ANKS1B: variants seen among roughly 807,000 people sequenced by gnomAD.
ANKS1B encodes the protein ankyrin repeat and sterile alpha motif domain-containing protein 1B.
In ANKS1B, 36 loss-of-function variants were observed where a neutral mutation model predicts 148.3. That is an observed-to-expected ratio of 0.24 (90% CI 0.19 to 0.32). The LOEUF is 0.32. Among genes scored for constraint, ANKS1B ranks in the 10% least tolerant of loss-of-function variants. The pLI, the probability that ANKS1B is intolerant of heterozygous loss-of-function variation, is 1.00. For missense variants in ANKS1B, 1,157 were observed against 1,542.6 expected (o/e 0.75, Z 4.19); for synonymous variants, 542 against 560.8 (o/e 0.97, Z 0.47).
intron 9 of ANKS1B, among the ~76,000 whole-genome samples, chr12:99,598,761 A>G (rs1210453731): frequency 6.6e-6 from 1 of 152,140 alleles, no homozygotes; most frequent in Non-Finnish European, 1.5e-5. Flanking sequence ...GATAAAAAGA[A>G]GCATACACGG....
At chr12:99,499,143 A>T (rs2096632020) in intron 10 of ANKS1B, among the ~76,000 whole-genome samples, 2 of 152,218 alleles carry the variant, frequency 1.3e-5, no homozygotes, top group Admixed American at 6.5e-5. Flanking sequence ...CTGAGTGGAT[A>T]AGGTCTCATA....
chr12:99,654,988 G>C, intron 9 of ANKS1B, 79 bp downstream of exon 9: 8 of 1,418,974 alleles, frequency 5.6e-6, no homozygotes, highest in Non-Finnish European at 7.6e-6. Flanking sequence ...TTTGATTTTC[G>C]AAGGGGAGGG....
At chr12:98,743,330 A>T (rs915077146), downstream of ANKS1B, among the ~76,000 whole-genome samples, 32 of 151,936 alleles carry the variant, frequency 2.1e-4, no homozygotes, top group African/African-American at 7.3e-4. Flanking sequence ...GATAATTTTC[A>T]TAGGGTTCGT....
At chr12:99,665,423 T>C in intron 8 of ANKS1B, among the ~76,000 whole-genome samples, 1 of 152,198 alleles carries the variant, frequency 6.6e-6, no homozygotes, top group Admixed American at 6.5e-5. Flanking sequence ...CTCCTGTGCT[T>C]AGAGGCCATT....
rs967281728 is a variant in ANKS1B, at chr12:99,367,472, C to T, written c.1756+32159G>A. On this transcript the variant is annotated intron_variant, in intron 12 of 26. Coordinates refer to ENST00000683438, the MANE Select transcript of ANKS1B (RefSeq NM_001352186.2). ...AAAAGCTCTTTGAAAGAGAATTAATCGGTATTTTAAAAAATTATATTCAGA... is the reference window on the plus strand; with the variant it reads ...AAAAGCTCTTTGAAAGAGAATTAATTGGTATTTTAAAAAATTATATTCAGA... 4.6e-5 allele frequency among the ~76,000 whole-genome samples: 7 copies of T among 152,202 alleles called. No individual in the cohort carries two copies. The East Asian group carries it at 7.7e-4, about 17-fold the overall frequency.
chr12:99,772,872 G>A, intron 8 of ANKS1B, 50 bp downstream of exon 8: 1 of 1,552,826 alleles, frequency 6.4e-7, no homozygotes, highest in South Asian at 1.2e-5. Flanking sequence ...TGTACACACT[G>A]AACTGGCAAA....
intron 17 of ANKS1B, among the ~76,000 whole-genome samples, chr12:98,902,390 A>G (rs992778738): frequency 3.9e-5 from 6 of 152,372 alleles, no homozygotes; most frequent in South Asian, 4.1e-4. Flanking sequence ...AAGGTTAGCA[A>G]TGAAAGAAGA....
At chr12:99,519,145 G>A (rs756158509) in intron 9 of ANKS1B, among the ~76,000 whole-genome samples, 2 of 152,168 alleles carry the variant, frequency 1.3e-5, no homozygotes, top group Admixed American at 6.5e-5. Flanking sequence ...CTAACATATG[G>A]CCTATCCTTG....
At chr12:98,941,058 C>T (rs1183388026) in intron 17 of ANKS1B, among the ~76,000 whole-genome samples, 1 of 152,038 alleles carries the variant, frequency 6.6e-6, no homozygotes, top group Non-Finnish European at 1.5e-5. Context: ...AATGATTGCA[C>T]CTAGGGGAAA....
In ANKS1B at chr12:99,246,662, T is replaced by C. The variant is rs1485469753; in HGVS notation, c.1959A>G (p.Ile653Met). ...TTACCAAAGGTTCTGAGTTATTTTC[T>C]ATTGGAGACTGCTTGAAAGGCAAAG... ...NSPLPFKQSP[I>M]ENNSEPLVKK... The change falls in exon 13 of 27, where the codon ATA becomes ATG. Residue 653 changes from isoleucine to methionine, a missense_variant. Physicochemically the swap from Ile to Met is conservative, Grantham distance 10. Coordinates refer to ENST00000683438, the MANE Select transcript of ANKS1B (RefSeq NM_001352186.2). The C allele has an allele frequency of 3.1e-6, 5 of 1,613,746 alleles. No homozygotes were observed. Among genetic ancestry groups the C allele is most frequent in the Non-Finnish European group, 4.2e-6 (5 of 1,179,880 alleles).
chr12:99,493,771 G>A (rs2096576983), intron 10 of ANKS1B, among the ~76,000 whole-genome samples: 2 of 152,122 alleles, frequency 1.3e-5, no homozygotes, highest in Non-Finnish European at 2.9e-5. Flanking sequence ...AGGTTGAGGT[G>A]CCCTTGGAGA....
chr12:99,060,961 A>G (rs571850075), intron 16 of ANKS1B, among the ~76,000 whole-genome samples: 1 of 152,350 alleles, frequency 6.6e-6, no homozygotes, highest in African/African-American at 2.4e-5. Flanking sequence ...TGATATTGGC[A>G]TGGTATTTAG....
intron 5 of ANKS1B, among the ~76,000 whole-genome samples, chr12:99,780,502 T>C (rs1233926452): frequency 6.6e-6 from 1 of 152,042 alleles, no homozygotes; most frequent in Non-Finnish European, 1.5e-5. Context: ...AAGGATGGTC[T>C]CGATATCCTG....
chr12:99,105,778 A>AG (rs2059064102), intron 15 of ANKS1B, among the ~76,000 whole-genome samples: 1 of 151,810 alleles, frequency 6.6e-6, no homozygotes. Flanking sequence ...CAAAAAAAAA[A>AG]AAAAAAAAAA....
At chr12:99,311,249 T>TGGGTTTCCTATA (rs2083124721) in intron 12 of ANKS1B, among the ~76,000 whole-genome samples, 2 of 152,068 alleles carry the variant, frequency 1.3e-5, no homozygotes, top group African/African-American at 4.8e-5. Context: ...TCCTGCTAAA[T>TGGGTTTCCTATA]GGGTTTCCTA....
chr12:99,782,171 A>G, intron 4 of ANKS1B, 74 bp from the exon 5 acceptor site: 1 of 1,142,952 alleles, frequency 8.7e-7, no homozygotes, highest in Non-Finnish European at 1.3e-6. Flanking sequence ...TAAAATGCTC[A>G]CATTTTACAT....
intron 8 of ANKS1B, among the ~76,000 whole-genome samples, chr12:99,734,540 C>T (rs563172667): frequency 4.6e-5 from 7 of 152,154 alleles, no homozygotes; most frequent in East Asian, 3.9e-4. Context: ...GTGATCCGCC[C>T]GCCTCAGCCT....
intron 11 of ANKS1B, among the ~76,000 whole-genome samples, chr12:99,425,104 A>G (rs1198779432): frequency 1.3e-5 from 2 of 151,972 alleles, no homozygotes; most frequent in African/African-American, 4.8e-5. Context: ...CAAGTCATTC[A>G]TTGCTCAATT....
intron 9 of ANKS1B, among the ~76,000 whole-genome samples, chr12:99,549,881 C>T (rs571522818): frequency 2.8e-4 from 43 of 152,354 alleles, no homozygotes; most frequent in Non-Finnish European, 5.4e-4. Context: ...GCCTAACTGC[C>T]TAACTGCAGA....
Sources: gnomAD v4.1 joint callset for allele counts (sites outside exome capture counted in the v4.1 genomes callset) on GRCh38, gnomAD v4.1.1 for gene constraint, MANE v1.5 for transcripts, NCBI Gene and HGNC (gene_info 2026-07-23, HGNC 2026-07-21) for gene names.